ASIC2: variants seen among roughly 807,000 people sequenced by gnomAD.
ASIC2 encodes acid-sensing ion channel 2.
ASIC2 carries 25 observed loss-of-function variants against 57.3 expected under a neutral mutation model. The ratio of observed to expected loss-of-function variants is 0.44; its 90% CI spans 0.32 to 0.61. ASIC2 has a LOEUF of 0.61. Ranked by LOEUF, ASIC2 falls within the 20% of genes least tolerant of loss-of-function variation. The pLI, the probability that ASIC2 is intolerant of heterozygous loss-of-function variation, is 0.06. For synonymous variants in ASIC2, 319 were observed against 307.5 expected (o/e 1.04, Z -0.39); for missense variants, 641 against 738.1 (o/e 0.87, Z 1.52).
intron 1 of ASIC2, among the ~76,000 whole-genome samples, chr17:33,170,590 A>T (rs1402570875): frequency 6.6e-6 from 1 of 152,174 alleles, no homozygotes; most frequent in Non-Finnish European, 1.5e-5. Context: ...ACATTTGCCC[A>T]GATGTTTGTG....
At chr17:33,323,906 G>A (rs367834328) in intron 1 of ASIC2, among the ~76,000 whole-genome samples, 1 of 151,854 alleles carries the variant, frequency 6.6e-6, no homozygotes, top group African/African-American at 2.4e-5. Flanking sequence ...ATTGGTGCTG[G>A]TAATATTCTT....
rs554991126 is a variant in ASIC2 at position 33,826,144 on chromosome 17, G to A, written c.555+329834C>T. On this transcript the variant is annotated intron_variant, in intron 1 of 9. Coordinates refer to the ASIC2 transcript ENST00000359872. ...TTCATGCTTTTAGCTTTTAATGATT[G>A]AATCAGTTGATTAGATGGATACAAT... 2.6e-5 allele frequency among the ~76,000 whole-genome samples: 4 copies of A among 152,296 alleles called. No individual in the cohort carries two copies. In the South Asian group the frequency reaches 8.3e-4, roughly 32 times the overall value.
intron 1 of ASIC2, among the ~76,000 whole-genome samples, chr17:34,092,226 T>C (rs775038890): frequency 6.6e-6 from 1 of 151,908 alleles, no homozygotes; most frequent in Non-Finnish European, 1.5e-5. Context: ...ACAGTAGAGG[T>C]TTCAGGCAAA....
intron 1 of ASIC2, among the ~76,000 whole-genome samples, chr17:33,820,750 C>T (rs1456483375): frequency 6.6e-6 from 1 of 152,176 alleles, no homozygotes; most frequent in South Asian, 2.1e-4. Flanking sequence ...ACATGTTACT[C>T]AGGTTGCTCT....
At chr17:33,576,378 G>GT (rs1916621836) in intron 1 of ASIC2, among the ~76,000 whole-genome samples, 1 of 152,222 alleles carries the variant, frequency 6.6e-6, no homozygotes, top group African/African-American at 2.4e-5. Context: ...AGGTATAGAT[G>GT]TGACTAGGTA....
intron 1 of ASIC2, chr17:34,004,709 G>A (rs563398381): frequency 1.1e-4 from 16 of 152,334 alleles, no homozygotes; most frequent in Admixed American, 9.1e-4. Flanking sequence ...CCATTGCAGA[G>A]TAAATATGAG....
chr17:33,835,368 C>G (rs1913243805), intron 1 of ASIC2, among the ~76,000 whole-genome samples: 1 of 152,176 alleles, frequency 6.6e-6, no homozygotes, highest in African/African-American at 2.4e-5. Context: ...CGTATTTTCC[C>G]CTACTTCTTG....
At chr17:33,484,878 C>T (rs1251687290) in intron 1 of ASIC2, among the ~76,000 whole-genome samples, 2 of 152,218 alleles carry the variant, frequency 1.3e-5, no homozygotes, top group Non-Finnish European at 2.9e-5. Flanking sequence ...CATAATACAC[C>T]CCTACGTGTA....
chr17:33,184,549 A>G (rs1381088302), intron 1 of ASIC2, among the ~76,000 whole-genome samples: 1 of 152,138 alleles, frequency 6.6e-6, no homozygotes, highest in Non-Finnish European at 1.5e-5. Flanking sequence ...AAATGTGACT[A>G]CTGAACCTGC....
In ASIC2 at chr17:33,360,431, G is replaced by A. The variant is rs143629524; in HGVS notation, c.556-248364C>T. Among the ~76,000 whole-genome samples the A allele has an allele frequency of 5.9e-3, 901 of 152,276 alleles. 4 individuals are homozygous for A. Among genetic ancestry groups the A allele is most frequent in the South Asian group, 0.038 (182 of 4,822 alleles). Reference sequence around the variant, plus strand: ...GGGGCTCAGTAAATGTCTGTGGAATGAATGACAACGTACACAACTTTCTCC... The same window carrying A: ...GGGGCTCAGTAAATGTCTGTGGAATAAATGACAACGTACACAACTTTCTCC... On this transcript the variant is annotated intron_variant, in intron 1 of 9. Coordinates refer to the ASIC2 transcript ENST00000359872.
chr17:33,429,430 G>A (rs897465290), intron 1 of ASIC2, among the ~76,000 whole-genome samples: 6 of 151,720 alleles, frequency 4.0e-5, no homozygotes, highest in Non-Finnish European at 8.8e-5. Context: ...TCGCTCTGTC[G>A]CCCAGGCTGG....
intron 1 of ASIC2, among the ~76,000 whole-genome samples, chr17:33,624,644 G>A (rs1249203702): frequency 1.3e-5 from 2 of 152,218 alleles, no homozygotes; most frequent in East Asian, 3.9e-4. Context: ...TTGCTGCCAA[G>A]TAGTTGTTTG....
intron 1 of ASIC2, among the ~76,000 whole-genome samples, chr17:33,170,427 TCAGA>T (rs1294643740): frequency 6.6e-6 from 1 of 151,934 alleles, no homozygotes; most frequent in Non-Finnish European, 1.5e-5. Context: ...GAGTGGGAGG[TCAGA>T]CAAAGATAAA....
chr17:33,942,245 G>A (rs1916208981), intron 1 of ASIC2, among the ~76,000 whole-genome samples: 1 of 152,154 alleles, frequency 6.6e-6, no homozygotes, highest in Non-Finnish European at 1.5e-5. Flanking sequence ...CAGCTTGATA[G>A]GTGGGTTCCT....
At chr17:33,733,175 A>G (rs960329483) in intron 1 of ASIC2, among the ~76,000 whole-genome samples, 1 of 152,204 alleles carries the variant, frequency 6.6e-6, no homozygotes, top group African/African-American at 2.4e-5. Context: ...TTCTGACTCC[A>G]ACCTCTGCAG....
chr17:33,876,375 G>C lies in ASIC2; in HGVS notation c.555+279603C>G, dbSNP rs375171234. On this transcript the variant is annotated intron_variant, in intron 1 of 9. Transcript: ENST00000359872. ...TAGGATACCTGGTCACTTGGTGCAT[G>C]ATGTGGTTACAAAACAAGACTTCGA... Among the ~76,000 whole-genome samples, 38 of 152,326 alleles carry C rather than the reference G, an allele frequency of 2.5e-4. No individual in the cohort carries two copies. In the East Asian group the frequency reaches 5.2e-3, roughly 21 times the overall value.
intron 3 of ASIC2, among the ~76,000 whole-genome samples, chr17:33,075,194 T>G (rs911453337): frequency 1.4e-4 from 21 of 152,180 alleles, no homozygotes; most frequent in South Asian, 2.1e-4. Context: ...GCTCATGAGA[T>G]CTGATGGTTT....
At chr17:33,814,260 C>G (rs1001917442) in intron 1 of ASIC2, among the ~76,000 whole-genome samples, 3 of 152,052 alleles carry the variant, frequency 2.0e-5, no homozygotes, top group Non-Finnish European at 4.4e-5. Context: ...CCATGGGAAG[C>G]AAAGAAAAAG....
At chr17:33,671,738 T>C (rs1907644849) in intron 1 of ASIC2, among the ~76,000 whole-genome samples, 1 of 152,216 alleles carries the variant, frequency 6.6e-6, no homozygotes, top group Non-Finnish European at 1.5e-5. Flanking sequence ...CCAGATTAGA[T>C]GTCAGTGTCT....
Sources: gnomAD v4.1 joint callset for allele counts (sites outside exome capture counted in the v4.1 genomes callset) on GRCh38, gnomAD v4.1.1 for gene constraint, MANE v1.5 for transcripts, NCBI Gene and HGNC (gene_info 2026-07-23, HGNC 2026-07-21) for gene names.